The following NHSL1 variants were observed in gnomAD, a reference collection of about 807,000 sequenced individuals.
The protein encoded by NHSL1 is NHS like 1.
A neutral mutation model predicts 95.0 loss-of-function variants in NHSL1; 48 were observed. The observed-to-expected ratio is 0.51, with a 90% confidence interval of 0.40 to 0.64. The LOEUF is 0.64. NHSL1 is among the 30% of genes least tolerant of loss of function. NHSL1 has a pLI of 0.00. For missense variants in NHSL1, 1,971 were observed against 2,077.7 expected (o/e 0.95, Z 1.00); for synonymous variants, 783 against 833.9 (o/e 0.94, Z 1.05).
At chr6:138,554,832 G>C (rs973032743) in intron 1 of NHSL1, among the ~76,000 whole-genome samples, 2 of 152,150 alleles carry the variant, frequency 1.3e-5, no homozygotes, top group African/African-American at 4.8e-5. Context: ...TAACCTTAGT[G>C]ACAACGTTTC....
At chr6:138,571,913 T>C in exon 1 of NHSL1, 1 of 1,551,136 alleles carries the variant, frequency 6.4e-7, no homozygotes, top group Non-Finnish European at 8.7e-7. Context: ...CTTTTTCATC[T>C]TCTTTTCAAA....
In NHSL1 at chr6:138,478,534, G is replaced by A. The variant is rs13437099; in HGVS notation, c.212-5101C>T. On this transcript the variant is annotated intron_variant, in intron 2 of 7. Transcript: ENST00000343505. ...TCTAAAACCATGGTTTTGTTCATTA[G>A]AATTGGAGTTTCTTGTCTGTGGGGT... 4.5e-4 allele frequency among the ~76,000 whole-genome samples: 68 copies of A among 152,210 alleles called. 2 individuals are homozygous for A. The East Asian group carries it at 0.013, about 29-fold the overall frequency.
rs1411470573 is a variant in NHSL1 at position 138,431,158 on chromosome 6, G to A, written c.3187C>T (p.Pro1063Ser). Residue 1063 changes from proline (P) to serine (S), a missense_variant, in exon 6 of 8, where the codon CCC (proline) becomes TCC (serine). Pro to Ser is a moderately conservative substitution (Grantham distance 74). Coordinates refer to ENST00000343505, the MANE Select transcript of NHSL1 (RefSeq NM_001144060.2). The surrounding 1 kb of genome is among the most constrained non-coding windows in gnomAD (Gnocchi z 4.0). ...TCCGTGGTTATCAGGGGCATGGGGG[G>A]CCTGCTGGTCTCCTCCTTGGTAGAA... is the stretch of plus-strand genomic sequence containing the variant. ...PPSTKEETSR[P>S]PMPLITTEAL... 4 of 1,551,386 alleles carry A rather than the reference G, an allele frequency of 2.6e-6. No individual in the cohort carries two copies. Among genetic ancestry groups the A allele is most frequent in the Admixed American group, 2.0e-5 (1 of 50,998 alleles).
chr6:138,508,719 T>G (rs1247765572), intron 1 of NHSL1, among the ~76,000 whole-genome samples: 1 of 152,236 alleles, frequency 6.6e-6, no homozygotes, highest in Non-Finnish European at 1.5e-5. Flanking sequence ...CCTCTATTCA[T>G]TTTTCAAGTT....
chr6:138,504,296 G>A (rs1283753330), upstream of NHSL1, among the ~76,000 whole-genome samples: 1 of 152,162 alleles, frequency 6.6e-6, no homozygotes, highest in Non-Finnish European at 1.5e-5. Flanking sequence ...TGTGTTAGGT[G>A]TCCAGGTTAA....
rs1183104820 is a variant in NHSL1, at chr6:138,424,070, C to A, written c.*11G>T. On this transcript the variant is annotated 3_prime_UTR_variant, in exon 8 of 8. Coordinates refer to ENST00000343505, the MANE Select transcript of NHSL1 (RefSeq NM_001144060.2). This position sits in a 1 kb window ranked among gnomAD's most constrained non-coding sequence, Gnocchi z 5.9. ...CCCCCCGTGTCACCTGGGAGAGTTA[C>A]GTTCTTGGCCCTAACTCTCCTCGCT... The A allele has an allele frequency of 3.7e-6, 5 of 1,363,246 alleles. No individual in the cohort carries two copies. Among genetic ancestry groups the A allele is most frequent in the South Asian group, 2.1e-5 (1 of 48,454 alleles). 84.4% of individuals were successfully genotyped at this position (1,363,246 alleles called of 1,614,324 possible).
At chr6:138,591,855 A>G (rs992296824) in intron 1 of NHSL1, among the ~76,000 whole-genome samples, 1 of 152,144 alleles carries the variant, frequency 6.6e-6, no homozygotes, top group South Asian at 2.1e-4. Flanking sequence ...CATGCTGTGG[A>G]CACACACTCT....
Position 138,432,075 on chromosome 6 carries a change from T to G in NHSL1, c.2270A>C (p.Tyr757Ser). ...SMTSATTPNV[Y>S]SLCGATPSQS... is the part of the protein sequence containing the mutation. ...CGATGGCGTGGCCCCGCACAGGGAGTAGACATTGGGGGTGGTGGCGGAAGT... is the reference window on the plus strand; with the variant it reads ...CGATGGCGTGGCCCCGCACAGGGAGGAGACATTGGGGGTGGTGGCGGAAGT... The change falls in exon 6 of 8, where the codon TAC becomes TCC. Residue 757 changes from tyrosine to serine, a missense_variant. Physicochemically the swap from Tyr to Ser is moderately radical, Grantham distance 144 (BLOSUM62 -2). Coordinates refer to ENST00000343505, the MANE Select transcript of NHSL1 (RefSeq NM_001144060.2). The surrounding 1 kb of genome is among the most constrained non-coding windows in gnomAD (Gnocchi z 4.4). The G allele has an allele frequency of 6.4e-7, 1 of 1,551,450 alleles. No individual in the cohort carries two copies. The highest frequency in any genetic ancestry group is 8.7e-7 in the Non-Finnish European group (1 of 1,146,938).
At chr6:138,690,487 T>C (rs1785650358) in intron 1 of NHSL1, among the ~76,000 whole-genome samples, 1 of 151,748 alleles carries the variant, frequency 6.6e-6, no homozygotes, top group South Asian at 2.1e-4. Flanking sequence ...ACACCTGTAA[T>C]CCCAGCACTT....
At chr6:138,603,946 A>T (rs1784401645) in intron 1 of NHSL1, among the ~76,000 whole-genome samples, 1 of 152,226 alleles carries the variant, frequency 6.6e-6, no homozygotes, top group African/African-American at 2.4e-5. Context: ...ACTCTGAATA[A>T]AAGAGATGTG....
chr6:138,441,913 T>A, intron 5 of NHSL1, 70 bp downstream of exon 5: 1 of 1,374,918 alleles, frequency 7.3e-7, no homozygotes, highest in Non-Finnish European at 9.6e-7. Flanking sequence ...ATAAGCACCA[T>A]GAATGAGGTT....
rs116040255 is a variant in NHSL1 at position 138,526,969 on chromosome 6, C to T, written c.16+18654G>A. Among the ~76,000 whole-genome samples, 1,461 of 152,300 alleles carry T rather than the reference C, an allele frequency of 9.6e-3. 22 individuals carry two copies. Among genetic ancestry groups the T allele is most frequent in the African/African-American group, 0.034 (1,397 of 41,542 alleles). ...GTGGTAGTTTTGGGAATTCCACCAGCATTTATCCCGCTTCTTTGGGCTTAA... is the reference window on the plus strand; with the variant it reads ...GTGGTAGTTTTGGGAATTCCACCAGTATTTATCCCGCTTCTTTGGGCTTAA... On this transcript the variant is annotated intron_variant, in intron 1 of 4. Transcript: ENST00000342260.
intron 3 of NHSL1, among the ~76,000 whole-genome samples, chr6:138,460,429 C>CA (rs1322944403): frequency 6.6e-6 from 1 of 151,898 alleles, no homozygotes; most frequent in Non-Finnish European, 1.5e-5. Flanking sequence ...AGTATTTGAA[C>CA]AAAAAATAAA....
In NHSL1 at chr6:138,616,941, T is replaced by C. The variant is rs146408574; in HGVS notation, c.96+75535A>G. On this transcript the variant is annotated intron_variant, in intron 1 of 3. Transcript: ENST00000491526. ...GCTTAAAGGAAGTGCTCCCAGCAGCTCTCAGAAGGACCTGGAAGTACCGGC... is the reference window on the plus strand; with the variant it reads ...GCTTAAAGGAAGTGCTCCCAGCAGCCCTCAGAAGGACCTGGAAGTACCGGC... Among the ~76,000 whole-genome samples, 685 of 152,312 alleles carry C rather than the reference T, an allele frequency of 4.5e-3. 3 individuals are homozygous for C. Among genetic ancestry groups the C allele is most frequent in the Middle Eastern group, 6.8e-3 (2 of 294 alleles).
At chr6:138,559,374 G>A (rs747183637) in intron 1 of NHSL1, among the ~76,000 whole-genome samples, 19 of 152,252 alleles carry the variant, frequency 1.2e-4, no homozygotes, top group Non-Finnish European at 2.5e-4. Context: ...CAAGGCTCCT[G>A]TTGGCAATCA....
chr6:138,424,645 G>A lies in NHSL1; in HGVS notation c.4257C>T (p.Phe1419=). 1 of 1,551,598 alleles carries A rather than the reference G, an allele frequency of 6.4e-7. No individual in the cohort carries two copies. Among genetic ancestry groups the A allele is most frequent in the East Asian group, 2.4e-5 (1 of 40,900 alleles). ...IRKSSTSSDN[F]KALLLKKGSR... ...TGCCCTTTTTCAGCAGCAGAGCTTT[G>A]AAGTTGTCACTGCTGGTGCTGCTCT... Residue 1419 remains phenylalanine, a synonymous_variant, in exon 8 of 8, where the codon TTC becomes TTT. Coordinates refer to ENST00000343505, the MANE Select transcript of NHSL1 (RefSeq NM_001144060.2). The surrounding 1 kb of genome is among the most constrained non-coding windows in gnomAD (Gnocchi z 5.9).
At chr6:138,581,909 T>C (rs891698955) in intron 1 of NHSL1, among the ~76,000 whole-genome samples, 1 of 149,176 alleles carries the variant, frequency 6.7e-6, no homozygotes, top group Non-Finnish European at 1.5e-5. Flanking sequence ...TTTTTTTTTT[T>C]TTTTTTGAGT....
intron 2 of NHSL1, among the ~76,000 whole-genome samples, chr6:138,488,140 T>C (rs1281399039): frequency 6.6e-6 from 1 of 152,098 alleles, no homozygotes; most frequent in Non-Finnish European, 1.5e-5. Context: ...TAGCTGGGCA[T>C]GGTGGTGCAC....
chr6:138,434,556 A>C (rs183728501), intron 5 of NHSL1, among the ~76,000 whole-genome samples: 1 of 152,330 alleles, frequency 6.6e-6, no homozygotes, highest in Non-Finnish European at 1.5e-5. Context: ...AAAAAATCAC[A>C]AAGACAAGAA....
Sources: gnomAD v4.1 joint callset for allele counts (sites outside exome capture counted in the v4.1 genomes callset) on GRCh38, gnomAD v4.1.1 for gene constraint, Gnocchi (gnomAD v3.1) non-coding constraint, MANE v1.5 for transcripts, NCBI Gene and HGNC (gene_info 2026-07-23, HGNC 2026-07-21) for gene names.